Variants in KCNK2 observed in about 807,000 individuals in gnomAD.
KCNK2 encodes potassium two pore domain channel subfamily K member 2.
In KCNK2, 21 loss-of-function variants were observed where a neutral mutation model predicts 40.5. That is an observed-to-expected ratio of 0.52 (90% CI 0.37 to 0.75). The LOEUF is 0.75. Among genes scored for constraint, KCNK2 ranks in the 30% least tolerant of loss-of-function variants. KCNK2 has a pLI of 0.00. For missense variants in KCNK2, 399 were observed against 531.6 expected (o/e 0.75, Z 2.45); for synonymous variants, 191 against 202.2 (o/e 0.94, Z 0.47).
intron 6 of KCNK2, among the ~76,000 whole-genome samples, chr1:215,219,727 T>G (rs1666097617): frequency 6.6e-6 from 1 of 152,224 alleles, no homozygotes. Flanking sequence ...ATCATCAAAC[T>G]GTCAATTTAT....
At chr1:215,114,393 C>T (rs1387629189) in intron 2 of KCNK2, among the ~76,000 whole-genome samples, 1 of 152,270 alleles carries the variant, frequency 6.6e-6, no homozygotes, top group South Asian at 2.1e-4. Flanking sequence ...TTTAATTGCA[C>T]TTTTGTGTAA....
At chr1:215,005,884 A>T (rs1227741595) in exon 1 of KCNK2, 1 of 1,606,348 alleles carries the variant, frequency 6.2e-7, no homozygotes, top group Non-Finnish European at 8.5e-7. Context: ...GGCATTAAAG[A>T]TCAAAAGCAT....
intron 6 of KCNK2, among the ~76,000 whole-genome samples, chr1:215,209,933 C>A (rs1665631041): frequency 4.3e-5 from 2 of 47,056 alleles, no homozygotes; most frequent in South Asian, 1.0e-3. Flanking sequence ...TACTGCACTT[C>A]ATGAAGCTTC....
intron 3 of KCNK2, among the ~76,000 whole-genome samples, chr1:215,140,127 A>G (rs1432996203): frequency 2.0e-5 from 3 of 152,214 alleles, no homozygotes; most frequent in Non-Finnish European, 4.4e-5. Context: ...AAACATAAAA[A>G]TAAACAATGA....
Position 215,236,639 on chromosome 1 carries a change from C to A in KCNK2, c.*1494C>A, listed in dbSNP as rs1040420119. On this transcript the variant is annotated 3_prime_UTR_variant, in exon 7 of 7. Transcript: ENST00000444842. ...AGTAAATGCACCCCGTAAATTGCTA[C>A]CCTTTCCTTTATTTTCATACTTAGA... The A allele has an allele frequency of 6.6e-6, 1 of 152,262 alleles. No homozygotes were observed. The highest frequency in any genetic ancestry group is 2.4e-5 in the African/African-American group (1 of 41,350). 9.4% of individuals were successfully genotyped at this position (152,262 alleles called of 1,614,324 possible).
intron 2 of KCNK2, among the ~76,000 whole-genome samples, chr1:215,122,852 C>T (rs910204501): frequency 1.4e-5 from 2 of 146,108 alleles, no homozygotes; most frequent in Non-Finnish European, 3.0e-5. Flanking sequence ...TCACACCATT[C>T]TCCTGCCTCC....
At chr1:215,016,268 A>T (rs1019679504) in intron 1 of KCNK2, among the ~76,000 whole-genome samples, 1 of 125,676 alleles carries the variant, frequency 8.0e-6, no homozygotes, top group Non-Finnish European at 1.7e-5. Context: ...AATGAAAAAT[A>T]CAAGAGTTAA....
intron 5 of KCNK2, among the ~76,000 whole-genome samples, chr1:215,191,677 C>A (rs1018279383): frequency 6.6e-6 from 1 of 152,150 alleles, no homozygotes; most frequent in African/African-American, 2.4e-5. Flanking sequence ...TTCCCAAAAC[C>A]TTTATACCTC....
At chr1:215,108,662 A>AT (rs71167807) in intron 2 of KCNK2, among the ~76,000 whole-genome samples, 15 of 151,060 alleles carry the variant, frequency 9.9e-5, no homozygotes, top group African/African-American at 2.2e-4. Flanking sequence ...TGTTGAAGTC[A>AT]TTTTTTTTTT....
intron 5 of KCNK2, among the ~76,000 whole-genome samples, chr1:215,175,135 A>G (rs56237556): frequency 0.013 from 1,948 of 152,272 alleles, 35 homozygotes; most frequent in African/African-American, 0.042. Flanking sequence ...ATTTTGAGAT[A>G]CGTCCCATCA....
At chr1:215,159,262 C>T (rs1303775309) in intron 3 of KCNK2, among the ~76,000 whole-genome samples, 1 of 152,144 alleles carries the variant, frequency 6.6e-6, no homozygotes, top group African/African-American at 2.4e-5. Flanking sequence ...TGTCAAGGTG[C>T]CAGTCATGGC....
intron 6 of KCNK2, among the ~76,000 whole-genome samples, chr1:215,210,444 A>C (rs1466559960): frequency 6.6e-6 from 1 of 152,168 alleles, no homozygotes; most frequent in South Asian, 2.1e-4. Context: ...AACAAAAGTC[A>C]GTATAGTCTG....
chr1:215,230,589 AT>A (rs1173084407), intron 6 of KCNK2, among the ~76,000 whole-genome samples: 1 of 1,436 alleles, frequency 7.0e-4, no homozygotes, highest in East Asian at 0.056. Flanking sequence ...AGACCGTAAT[AT>A]ATATATATAT....
chr1:215,220,824 C>T (rs574568517), intron 6 of KCNK2, among the ~76,000 whole-genome samples: 1 of 151,558 alleles, frequency 6.6e-6, no homozygotes, highest in African/African-American at 2.4e-5. Context: ...CTTAAAGTTG[C>T]AGTCCACCTC....
intron 3 of KCNK2, among the ~76,000 whole-genome samples, chr1:215,146,269 C>T (rs11120509): frequency 0.016 from 2,378 of 152,234 alleles, 78 homozygotes; most frequent in African/African-American, 0.054. Flanking sequence ...AGCCCTTCAA[C>T]GTTTAGCTGC....
At chr1:215,048,431 T>C (rs185182457) in intron 1 of KCNK2, among the ~76,000 whole-genome samples, 4 of 152,198 alleles carry the variant, frequency 2.6e-5, no homozygotes, top group African/African-American at 9.6e-5. Flanking sequence ...GAAAATTTCA[T>C]GCAAAATCTT....
chr1:215,098,923 T>A (rs974096504), intron 2 of KCNK2, among the ~76,000 whole-genome samples: 1 of 151,950 alleles, frequency 6.6e-6, no homozygotes, highest in Non-Finnish European at 1.5e-5. Context: ...TTATTCTCTA[T>A]GTGATTTCAC....
At chr1:215,092,693 T>A (rs1659739992) in intron 2 of KCNK2, among the ~76,000 whole-genome samples, 2 of 152,270 alleles carry the variant, frequency 1.3e-5, no homozygotes, top group South Asian at 4.1e-4. Context: ...GCTTCTTATA[T>A]CTTGCTGGTC....
At chr1:215,075,379 G>A (rs1246019101) in intron 1 of KCNK2, among the ~76,000 whole-genome samples, 4 of 152,080 alleles carry the variant, frequency 2.6e-5, no homozygotes, top group African/African-American at 7.2e-5. Flanking sequence ...AAAAATTTCA[G>A]GGTGAGGCAC....
Sources: gnomAD v4.1 joint callset for allele counts (sites outside exome capture counted in the v4.1 genomes callset) on GRCh38, gnomAD v4.1.1 for gene constraint, MANE v1.5 for transcripts, NCBI Gene and HGNC (gene_info 2026-07-23, HGNC 2026-07-21) for gene names.